Variants in TOPAZ1 observed in about 807,000 individuals in gnomAD.
The protein encoded by TOPAZ1 is protein TOPAZ1.
Under a neutral mutation model 172.2 loss-of-function variants are expected in TOPAZ1, and 66 were observed. That is an observed-to-expected ratio of 0.38 (90% CI 0.31 to 0.47). TOPAZ1 has a LOEUF of 0.47. TOPAZ1 is among the 20% of genes least tolerant of loss of function. TOPAZ1 has a pLI of 0.99. For missense variants in TOPAZ1, 1,822 were observed against 1,972.4 expected (o/e 0.92, Z 1.44); for synonymous variants, 681 against 683.9 (o/e 1.00, Z 0.07).
intron 8 of TOPAZ1, among the ~76,000 whole-genome samples, chr3:44,274,230 T>C (rs989129561): frequency 4.0e-5 from 6 of 150,130 alleles, no homozygotes; most frequent in Non-Finnish European, 5.9e-5. Flanking sequence ...ACCTACAAAG[T>C]GAAACCCCAT....
Position 44,287,056 on chromosome 3 carries a change from C to T in TOPAZ1, c.3437-333C>T, listed in dbSNP as rs182343982. Among the ~76,000 whole-genome samples the T allele has an allele frequency of 2.2e-3, 338 of 152,268 alleles. 2 individuals are homozygous for T. The highest frequency in any genetic ancestry group is 7.8e-3 in the African/African-American group (325 of 41,566). ...CAAACTATATAACCTTGCATATGTA[C>T]CAAGGCTACTGCCTCAAGACTGCCT... On this transcript the variant is annotated intron_variant, in intron 9 of 19. Transcript: ENST00000309765.
chr3:44,301,422 G>GATAAA (rs1363196405), intron 12 of TOPAZ1, among the ~76,000 whole-genome samples: 3 of 152,112 alleles, frequency 2.0e-5, no homozygotes, highest in African/African-American at 7.2e-5. Flanking sequence ...TTAAAGATAA[G>GATAAA]TATATATAAC....
intron 16 of TOPAZ1, among the ~76,000 whole-genome samples, chr3:44,311,375 C>A (rs1559546033): frequency 6.6e-6 from 1 of 152,010 alleles, no homozygotes; most frequent in Admixed American, 6.6e-5. Flanking sequence ...AAGAAAGAAG[C>A]GATGTGTCAA....
Position 44,290,762 on chromosome 3 carries a change from C to G in TOPAZ1, c.3682-9C>G. On this transcript the variant is annotated splice_polypyrimidine_tract_variant and intron_variant, in intron 11 of 19. Coordinates refer to ENST00000309765, the MANE Select transcript of TOPAZ1 (RefSeq NM_001145030.2). Reference sequence around the variant, plus strand: ...TAAGAATAACCACTCTTTCTTTTCTCTTCTACAGCTTGTTGAAGCCGGGAT... The same window carrying G: ...TAAGAATAACCACTCTTTCTTTTCTGTTCTACAGCTTGTTGAAGCCGGGAT... 1 of 1,526,658 alleles carries G rather than the reference C, an allele frequency of 6.6e-7. No individual in the cohort carries two copies. The highest frequency in any genetic ancestry group is 1.2e-5 in the South Asian group (1 of 81,914). The allele number at this position is 1,526,658 out of a possible 1,614,324, so 94.6% of individuals were successfully genotyped here.
chr3:44,310,112 CAT>C (rs1700382067), intron 16 of TOPAZ1, 122 bp downstream of exon 16: 1 of 831,858 alleles, frequency 1.2e-6, no homozygotes, highest in African/African-American at 1.7e-5. Flanking sequence ...CCCTAGTGAA[CAT>C]GTGGGTAGGA....
chr3:44,288,095 G>A (rs911075336), intron 11 of TOPAZ1, among the ~76,000 whole-genome samples: 24 of 151,968 alleles, frequency 1.6e-4, no homozygotes, highest in African/African-American at 5.6e-4. Context: ...TCTCTACTCC[G>A]TAAGGATGAT....
At chr3:44,248,128 T>C (rs1699587303) in intron 2 of TOPAZ1, among the ~76,000 whole-genome samples, 1 of 152,242 alleles carries the variant, frequency 6.6e-6, no homozygotes, top group East Asian at 1.9e-4. Flanking sequence ...CACAATTATA[T>C]AGACATTGCT....
At chr3:44,315,273 C>CTGTGACTACA (rs1412998005) in intron 16 of TOPAZ1, among the ~76,000 whole-genome samples, 1 of 151,876 alleles carries the variant, frequency 6.6e-6, no homozygotes, top group Non-Finnish European at 1.5e-5. Flanking sequence ...CACATGTGGA[C>CTGTGACTACA]CAGCGCCTGT....
chr3:44,316,497 T>C (rs1197356592), intron 16 of TOPAZ1, among the ~76,000 whole-genome samples: 1 of 152,200 alleles, frequency 6.6e-6, no homozygotes, highest in Non-Finnish European at 1.5e-5. Context: ...GTTTTACATA[T>C]TAAAGATACT....
rs751190512 is a variant in TOPAZ1 at position 44,243,685 on chromosome 3, T to C, written c.1179T>C (p.Asp393=). 35 of 1,550,240 alleles carry C rather than the reference T, an allele frequency of 2.3e-5. No homozygotes were observed. The highest frequency in any genetic ancestry group is 3.0e-5 in the Non-Finnish European group (34 of 1,146,904). ...KVSHNTVSLM[D]HLLSVPETVE... ...GCCATAATACAGTCTCTTTGATGGA[T>C]CATTTATTAAGTGTCCCAGAAACAG... Residue 393 remains aspartate, a synonymous_variant, in exon 2 of 20, where the codon GAT becomes GAC. Transcript: ENST00000309765.
At chr3:44,293,361 T>TAGGCA (rs1444388653) in intron 12 of TOPAZ1, among the ~76,000 whole-genome samples, 2 of 152,150 alleles carry the variant, frequency 1.3e-5, no homozygotes, top group Admixed American at 6.6e-5. Flanking sequence ...ATTCCAGAAG[T>TAGGCA]AGGCATTATT....
intron 19 of TOPAZ1, among the ~76,000 whole-genome samples, chr3:44,331,529 G>C (rs993340540): frequency 6.6e-6 from 1 of 152,090 alleles, no homozygotes; most frequent in Admixed American, 6.6e-5. Flanking sequence ...GTCTCACTGT[G>C]TTGCTCAGGC....
At chr3:44,285,076 GA>G (rs1334175006) in intron 9 of TOPAZ1, among the ~76,000 whole-genome samples, 1 of 152,162 alleles carries the variant, frequency 6.6e-6, no homozygotes, top group Non-Finnish European at 1.5e-5. Flanking sequence ...TGATTCACTA[GA>G]ATTATGCATT....
chr3:44,248,163 TGTA>T (rs745692117), intron 2 of TOPAZ1, among the ~76,000 whole-genome samples: 27 of 152,236 alleles, frequency 1.8e-4, no homozygotes, highest in Non-Finnish European at 2.8e-4. Flanking sequence ...CATTATGTGT[TGTA>T]GTAAAAAACT....
chr3:44,269,989 T>C (rs1699878378), intron 7 of TOPAZ1, among the ~76,000 whole-genome samples: 1 of 151,946 alleles, frequency 6.6e-6, no homozygotes, highest in Non-Finnish European at 1.5e-5. Flanking sequence ...TGGTAAGAGG[T>C]AGAAAATAAG....
Position 44,244,152 on chromosome 3 carries a change from A to G in TOPAZ1, c.1646A>G (p.Gln549Arg), listed in dbSNP as rs775734398. The change falls in exon 2 of 20, where the codon CAA (glutamine) becomes CGA (arginine). Residue 549 changes from glutamine (Q) to arginine (R), a missense_variant. Transcript: ENST00000309765. ...TTAACTGACTCCAAATTATTATTACAAAGTTCCTTAACAGAAACAAACACT... is the reference window on the plus strand; with the variant it reads ...TTAACTGACTCCAAATTATTATTACGAAGTTCCTTAACAGAAACAAACACT... ...THLTDSKLLL[Q>R]SSLTETNTES... is the part of the protein sequence containing the mutation. 3.2e-5 allele frequency: 50 copies of G among 1,551,434 alleles called. No individual in the cohort carries two copies. The highest frequency in any genetic ancestry group is 4.3e-5 in the Non-Finnish European group (49 of 1,146,830).
At chr3:44,302,178 A>ACG (rs1429463961) in intron 12 of TOPAZ1, among the ~76,000 whole-genome samples, 2 of 152,160 alleles carry the variant, frequency 1.3e-5, no homozygotes, top group African/African-American at 4.8e-5. Flanking sequence ...TGGGAGGCCG[A>ACG]GGTGGGCAGA....
At position 44,242,267 on chromosome 3, in the gene TOPAZ1, T is replaced by A; in HGVS notation, c.214T>A (p.Ser72Thr). The A allele has an allele frequency of 6.5e-7, 1 of 1,549,904 alleles. No individual in the cohort carries two copies. Among genetic ancestry groups the A allele is most frequent in the Non-Finnish European group, 8.7e-7 (1 of 1,146,534 alleles). Residue 72 changes from serine to threonine, a missense_variant, in exon 1 of 20, where the codon TCA (serine) becomes ACA (threonine). By Grantham distance (58) the Ser-to-Thr change is moderately conservative (BLOSUM62 1). Transcript: ENST00000309765. ...GGAAAGTGATAAGTCGGTTGCAGCA[T>A]CAGGGGCTGGAAAGGCCGCAAGGCG... ...EVESDKSVAA[S>T]GAGKAARRQV...
rs193156126 is a variant in TOPAZ1 at position 44,314,062 on chromosome 3, C to T, written c.4306+4072C>T. Among the ~76,000 whole-genome samples, 7 of 152,038 alleles carry T rather than the reference C, an allele frequency of 4.6e-5. No homozygotes were observed. In the East Asian group the frequency reaches 9.7e-4, roughly 21 times the overall value. On this transcript the variant is annotated intron_variant, in intron 16 of 19. Coordinates refer to ENST00000309765, the MANE Select transcript of TOPAZ1 (RefSeq NM_001145030.2). ...TTTATATTATTTATTTTTTTTGAGA[C>T]GGAGTCTCACTCTGTCACCCACGCC...
Sources: allele counts gnomAD v4.1 joint callset (sites outside exome capture counted in the v4.1 genomes callset), GRCh38; gene constraint gnomAD v4.1.1; transcripts MANE v1.5; gene names NCBI Gene and HGNC (gene_info 2026-07-23, HGNC 2026-07-21).